SLC2A13: variants seen among roughly 807,000 people sequenced by gnomAD.
The protein encoded by SLC2A13 is solute carrier family 2 member 13.
In SLC2A13, 32 loss-of-function variants were observed where a neutral mutation model predicts 64.4. That is an observed-to-expected ratio of 0.50 (90% CI 0.37 to 0.67). The LOEUF is 0.67. Ranked by LOEUF, SLC2A13 falls within the 30% of genes least tolerant of loss-of-function variation. The probability of loss-of-function intolerance (pLI) is 0.00; values close to 1 mark genes in which losing one functional copy is unlikely to be tolerated. For synonymous variants in SLC2A13, 338 were observed against 327.1 expected (o/e 1.03, Z -0.36); for missense variants, 743 against 829.2 (o/e 0.90, Z 1.28).
At chr12:40,048,304 A>C in intron 1 of SLC2A13, 94 bp from the exon 2 acceptor site, 1 of 1,275,130 alleles carries the variant, frequency 7.8e-7, no homozygotes, top group Non-Finnish European at 1.1e-6. Context: ...ACTTACATAT[A>C]TGGGCTTGGT....
intron 3 of SLC2A13, among the ~76,000 whole-genome samples, chr12:39,973,251 T>C (rs1161088454): frequency 2.0e-5 from 3 of 152,220 alleles, no homozygotes; most frequent in African/African-American, 7.2e-5. Context: ...TCACCTAAAC[T>C]AAGCGCAGCA....
chr12:40,068,825 C>T (rs11175021), intron 1 of SLC2A13, among the ~76,000 whole-genome samples: 15,949 of 150,390 alleles, frequency 0.11, 941 homozygotes, highest in East Asian at 0.19. Context: ...AATATGAGAT[C>T]TCTTGTTTTT....
chr12:39,904,074 A>AGGGG (rs1465370192), intron 4 of SLC2A13, among the ~76,000 whole-genome samples: 1 of 152,116 alleles, frequency 6.6e-6, no homozygotes, highest in Non-Finnish European at 1.5e-5. Context: ...AAGAACACAG[A>AGGGG]GCAAAGGTCA....
intron 1 of SLC2A13, among the ~76,000 whole-genome samples, chr12:40,098,883 C>A (rs952382465): frequency 1.3e-5 from 2 of 152,230 alleles, no homozygotes; most frequent in African/African-American, 4.8e-5. Context: ...AATCCACACC[C>A]TGCCAAGAGG....
rs71449493 is a variant in SLC2A13 at position 39,812,996 on chromosome 12, A to ATTTTTTTTTTTTTTTTTTTTTTTT, written c.1445+17083_1445+17106dup. 4.9e-5 allele frequency among the ~76,000 whole-genome samples: 2 copies of ATTTTTTTTTTTTTTTTTTTTTTTT among 40,616 alleles called. 1 individual carries two copies. Among genetic ancestry groups the ATTTTTTTTTTTTTTTTTTTTTTTT allele is most frequent in the Admixed American group, 1.1e-3 (2 of 1,904 alleles). 26.6% of individuals were successfully genotyped at this position (40,616 alleles called of 152,430 possible). On this transcript the variant is annotated intron_variant, in intron 7 of 9. Coordinates refer to ENST00000280871, the MANE Select transcript of SLC2A13 (RefSeq NM_052885.4). ...AGGCGCCTGACATCATGCCCAGCTA[A>ATTTTTTTTTTTTTTTTTTTTTTTT]TTTTTTTTTTTTTTTTTTTTTTTTT... is the stretch of plus-strand genomic sequence containing the variant.
chr12:39,875,532 C>T (rs1944160661), intron 4 of SLC2A13, among the ~76,000 whole-genome samples: 1 of 152,146 alleles, frequency 6.6e-6, no homozygotes, highest in Non-Finnish European at 1.5e-5. Context: ...TTTGTATGTC[C>T]TTGGGGGGAC....
At chr12:40,059,879 C>T (rs1326261058) in intron 1 of SLC2A13, among the ~76,000 whole-genome samples, 1 of 152,054 alleles carries the variant, frequency 6.6e-6, no homozygotes, top group Non-Finnish European at 1.5e-5. Context: ...GACTGGGGGC[C>T]TTATAATCCA....
intron 4 of SLC2A13, among the ~76,000 whole-genome samples, chr12:39,921,123 T>C (rs1450251091): frequency 6.6e-6 from 1 of 152,138 alleles, no homozygotes; most frequent in African/African-American, 2.4e-5. Context: ...GGGTTTCTAA[T>C]TGCGTTATCT....
chr12:40,091,275 T>A (rs1478746562), intron 1 of SLC2A13, among the ~76,000 whole-genome samples: 2 of 152,314 alleles, frequency 1.3e-5, no homozygotes, highest in African/African-American at 2.4e-5. Context: ...TAAAATAAGA[T>A]CCTTGAATTC....
chr12:40,028,432 C>CCT lies in SLC2A13; in HGVS notation c.793_794insAG (p.Trp265Ter). The change falls in exon 3 of 10, where the codon TGG (tryptophan) becomes TAGGG (stop). Residue 265 changes from tryptophan (W) to a stop codon, truncating the protein, a stop_gained and frameshift_variant. Transcript: ENST00000280871. LOFTEE classifies it high-confidence loss of function. ...CTGAGTCTGTCCTTTCTGAATAAGCCATCGAGGGCTTTCAGGCAAAAAGAG... is the reference window on the plus strand; with the variant it reads ...CTGAGTCTGTCCTTTCTGAATAAGCCCTATCGAGGGCTTTCAGGCAAAAAGAG... ...GFLFLPESPR[W>*]LIQKGQTQKA... 1 of 1,613,896 alleles carries CCT rather than the reference C, an allele frequency of 6.2e-7. No homozygotes were observed.
intron 3 of SLC2A13, among the ~76,000 whole-genome samples, chr12:40,015,634 G>A (rs1392056282): frequency 6.6e-6 from 1 of 152,080 alleles, no homozygotes; most frequent in Non-Finnish European, 1.5e-5. Flanking sequence ...CTCCTCCACT[G>A]CACTTGATCT....
At chr12:39,765,194 C>T (rs964116911) in intron 7 of SLC2A13, among the ~76,000 whole-genome samples, 1 of 151,958 alleles carries the variant, frequency 6.6e-6, no homozygotes, top group Non-Finnish European at 1.5e-5. Flanking sequence ...ATGGCATTTG[C>T]AATCATGACA....
At chr12:39,956,731 C>G (rs889465814) in intron 3 of SLC2A13, among the ~76,000 whole-genome samples, 1 of 152,094 alleles carries the variant, frequency 6.6e-6, no homozygotes, top group African/African-American at 2.4e-5. Flanking sequence ...GTTTTTCTTG[C>G]TCTTATTCTT....
At chr12:39,892,499 C>T (rs181099705) in intron 4 of SLC2A13, among the ~76,000 whole-genome samples, 189 of 152,236 alleles carry the variant, frequency 1.2e-3, no homozygotes, top group South Asian at 4.8e-3. Flanking sequence ...GACGCTTAAC[C>T]GAACTTTAGT....
In SLC2A13 at chr12:39,891,928, C is replaced by T. The variant is rs180814289; in HGVS notation, c.1035-19967G>A. On this transcript the variant is annotated intron_variant, in intron 4 of 9. Coordinates refer to ENST00000280871, the MANE Select transcript of SLC2A13 (RefSeq NM_052885.4). ...GTTTTTCTAAAAAAATTATTGATAC[C>T]ATAGGAGGAGAATAATCCTATTTTG... 1.1e-4 allele frequency among the ~76,000 whole-genome samples: 16 copies of T among 152,074 alleles called. No individual in the cohort carries two copies. In the East Asian group the frequency reaches 3.1e-3, roughly 29 times the overall value.
chr12:40,020,549 T>TATCACAGTGTGAAAATAG (rs1283175571), intron 3 of SLC2A13, among the ~76,000 whole-genome samples: 1 of 152,214 alleles, frequency 6.6e-6, no homozygotes, highest in African/African-American at 2.4e-5. Flanking sequence ...CTTGAGTAGT[T>TATCACAGTGTGAAAATAG]ATCACAGTGT....
chr12:39,842,848 A>G (rs1943212037), intron 6 of SLC2A13, among the ~76,000 whole-genome samples: 1 of 152,008 alleles, frequency 6.6e-6, no homozygotes, highest in Non-Finnish European at 1.5e-5. Flanking sequence ...TGGACATTTT[A>G]TATCAATGTA....
chr12:39,939,843 T>G (rs1945988798), intron 4 of SLC2A13, among the ~76,000 whole-genome samples: 1 of 152,232 alleles, frequency 6.6e-6, no homozygotes, highest in Non-Finnish European at 1.5e-5. Context: ...ACGTTTTAGC[T>G]TCCATTCTAC....
intron 2 of SLC2A13, among the ~76,000 whole-genome samples, chr12:40,031,440 C>G (rs1947903975): frequency 6.6e-6 from 1 of 152,160 alleles, no homozygotes; most frequent in Non-Finnish European, 1.5e-5. Context: ...CCAGGCTGGT[C>G]TCAAACTCCT....
Sources: allele counts gnomAD v4.1 joint callset (sites outside exome capture counted in the v4.1 genomes callset), GRCh38; gene constraint gnomAD v4.1.1; transcripts MANE v1.5; gene names NCBI Gene and HGNC (gene_info 2026-07-23, HGNC 2026-07-21).